Variants in KCNB2 observed in about 807,000 individuals in gnomAD.
KCNB2 encodes potassium voltage-gated channel subfamily B member 2.
In KCNB2, 15 loss-of-function variants were observed where a neutral mutation model predicts 61.5. The observed-to-expected ratio is 0.24, with a 90% CI of 0.16 to 0.38. The LOEUF is 0.38. Among genes scored for constraint, KCNB2 ranks in the 10% least tolerant of loss-of-function variants. The probability of loss-of-function intolerance (pLI) is 1.00; values close to 1 mark genes in which losing one functional copy is unlikely to be tolerated. For missense variants in KCNB2, 828 were observed against 1,125.2 expected, an observed-to-expected ratio of 0.74 and a Z score of 3.78; for synonymous variants, 457 against 446.0, an observed-to-expected ratio of 1.02 and a Z score of -0.31.
chr8:72,682,984 G>T (rs1194438474), intron 2 of KCNB2, among the ~76,000 whole-genome samples: 1 of 152,146 alleles, frequency 6.6e-6, no homozygotes, highest in African/African-American at 2.4e-5. Flanking sequence ...CCAAATACTA[G>T]AAAAAGTTGT....
intron 1 of KCNB2, among the ~76,000 whole-genome samples, chr8:72,561,498 T>C (rs550839569): frequency 4.0e-5 from 6 of 150,896 alleles, no homozygotes; most frequent in African/African-American, 9.7e-5. Flanking sequence ...CAGCCTTTGA[T>C]TGCAGAAAAG....
chr8:72,937,924 C>A lies in KCNB2; in HGVS notation c.2569C>A (p.Gln857Lys). ...GGGCAGTGTGGGCTCTTCCTCCCCG[C>A]AGGACACAGGTCACAACTGTAGGCA... is the stretch of plus-strand genomic sequence containing the variant. ...EEGSVGSSSP[Q>K]DTGHNCRQDI... The change falls in exon 3 of 3, where the codon CAG becomes AAG. Residue 857 changes from glutamine to lysine, a missense_variant. By Grantham distance (53) the Gln-to-Lys change is moderately conservative. This residue lies in a region of KCNB2 where 559 missense variants were observed against 588.4 expected (regional missense o/e 0.95). Transcript: ENST00000523207. 6.2e-7 allele frequency: 1 copy of A among 1,614,062 alleles called. No individual in the cohort carries two copies.
chr8:72,794,362 C>T (rs151147356), intron 2 of KCNB2, among the ~76,000 whole-genome samples: 2,590 of 151,900 alleles, frequency 0.017, 72 homozygotes, highest in African/African-American at 0.059. Context: ...GTCAGGAGAT[C>T]GAGACCATCT....
At chr8:72,756,741 A>G (rs1808296648) in intron 2 of KCNB2, among the ~76,000 whole-genome samples, 1 of 152,184 alleles carries the variant, frequency 6.6e-6, no homozygotes, top group Admixed American at 6.5e-5. Context: ...TAAGAGGATA[A>G]GAACAGCAGT....
intron 2 of KCNB2, among the ~76,000 whole-genome samples, chr8:72,637,747 TAA>T (rs1278651430): frequency 1.3e-5 from 2 of 152,136 alleles, no homozygotes; most frequent in Non-Finnish European, 2.9e-5. Flanking sequence ...TGCACTTGAC[TAA>T]AAGACTGTTC....
intron 2 of KCNB2, among the ~76,000 whole-genome samples, chr8:72,929,564 T>A (rs1439417787): frequency 6.6e-6 from 1 of 152,226 alleles, no homozygotes; most frequent in Non-Finnish European, 1.5e-5. Context: ...AAATTTACTT[T>A]GGACGTTCAA....
intron 2 of KCNB2, among the ~76,000 whole-genome samples, chr8:72,571,340 A>G (rs1326594210): frequency 1.3e-5 from 2 of 152,198 alleles, no homozygotes; most frequent in African/African-American, 2.4e-5. Flanking sequence ...CCCTGGTGTC[A>G]CATAAGGAGC....
chr8:72,806,584 C>T (rs1809227067), intron 2 of KCNB2, among the ~76,000 whole-genome samples: 1 of 150,916 alleles, frequency 6.6e-6, no homozygotes, highest in African/African-American at 2.4e-5. Context: ...CACTGCACTC[C>T]AGCCTGGGCG....
intron 2 of KCNB2, among the ~76,000 whole-genome samples, chr8:72,900,909 T>A (rs940473623): frequency 1.1e-4 from 16 of 152,156 alleles, no homozygotes; most frequent in Admixed American, 4.6e-4. Context: ...TGTAATTGGT[T>A]CAGTCTCTGT....
In KCNB2 at chr8:72,567,990, G is replaced by C; in HGVS notation, c.256G>C (p.Glu86Gln). 6.2e-7 allele frequency: 1 copy of C among 1,614,140 alleles called. No homozygotes were observed. Among genetic ancestry groups the C allele is most frequent in the Non-Finnish European group, 8.5e-7 (1 of 1,180,026 alleles). ...CGACGACTATAATCTGAACGAGAAC[G>C]AGTATTTCTTTGATCGGCATCCAGG... ...VCDDYNLNEN[E>Q]YFFDRHPGAF... The change falls in exon 2 of 3, where the codon GAG becomes CAG. Residue 86 changes from glutamate (E) to glutamine (Q), a missense_variant. By Grantham distance (29) the Glu-to-Gln change is conservative. Around this residue, in one of 4 missense-constraint regions of KCNB2, gnomAD observed 163 missense variants for 314.4 expected, o/e 0.52. Transcript: ENST00000523207.
At chr8:72,604,245 A>C (rs1290877660) in intron 2 of KCNB2, among the ~76,000 whole-genome samples, 5 of 152,208 alleles carry the variant, frequency 3.3e-5, no homozygotes, top group African/African-American at 4.8e-5. Flanking sequence ...AACTACTTAG[A>C]ACACAACCTA....
At chr8:72,842,838 T>C (rs974129239) in intron 2 of KCNB2, among the ~76,000 whole-genome samples, 5 of 152,230 alleles carry the variant, frequency 3.3e-5, no homozygotes, top group African/African-American at 9.6e-5. Context: ...TCTTCTTTAT[T>C]AGTCTGGCTA....
At chr8:72,644,816 T>C (rs536988903) in intron 2 of KCNB2, among the ~76,000 whole-genome samples, 1 of 152,298 alleles carries the variant, frequency 6.6e-6, no homozygotes, top group Non-Finnish European at 1.5e-5. Flanking sequence ...TTTCTCTTGC[T>C]TTACAAATAA....
chr8:72,909,764 A>G (rs762537237), intron 2 of KCNB2, among the ~76,000 whole-genome samples: 60 of 152,222 alleles, frequency 3.9e-4, no homozygotes, highest in Admixed American at 6.5e-4. Flanking sequence ...TTGGGGACTG[A>G]TTGGATGATA....
intron 2 of KCNB2, among the ~76,000 whole-genome samples, chr8:72,667,851 C>T (rs916809014): frequency 7.9e-5 from 12 of 152,192 alleles, no homozygotes; most frequent in African/African-American, 1.9e-4. Flanking sequence ...GCACTTAAAA[C>T]GTAAACTCCA....
At chr8:72,882,923 T>C (rs1341483612) in intron 2 of KCNB2, among the ~76,000 whole-genome samples, 2 of 152,226 alleles carry the variant, frequency 1.3e-5, no homozygotes, top group African/African-American at 4.8e-5. Context: ...CTCATTTCCA[T>C]GTGCCCACAA....
At chr8:72,592,124 T>C (rs1807108425) in intron 2 of KCNB2, among the ~76,000 whole-genome samples, 1 of 152,140 alleles carries the variant, frequency 6.6e-6, no homozygotes, top group Non-Finnish European at 1.5e-5. Flanking sequence ...CAATGGATTA[T>C]TCATCTGCTT....
intron 2 of KCNB2, among the ~76,000 whole-genome samples, chr8:72,718,823 A>G (rs759161681): frequency 2.6e-5 from 4 of 152,156 alleles, no homozygotes; most frequent in Non-Finnish European, 4.4e-5. Flanking sequence ...TAATAATAAA[A>G]TAAAATAAAA....
At chr8:72,902,073 A>G (rs1806101378) in intron 2 of KCNB2, among the ~76,000 whole-genome samples, 2 of 152,172 alleles carry the variant, frequency 1.3e-5, no homozygotes, top group South Asian at 4.1e-4. Flanking sequence ...TCCTAACGTT[A>G]GTCAGCATGG....
Sources: gnomAD v4.1 joint callset for allele counts (sites outside exome capture counted in the v4.1 genomes callset) on GRCh38, gnomAD v4.1.1 for gene constraint, gnomAD v4.1.1 regional missense constraint, MANE v1.5 for transcripts, NCBI Gene and HGNC (gene_info 2026-07-23, HGNC 2026-07-21) for gene names.